The following TRPV3 variants were observed in gnomAD, a reference collection of about 807,000 sequenced individuals.
TRPV3 encodes the protein transient receptor potential cation channel subfamily V member 3, also known as VRL-3.
Under a neutral mutation model 87.1 loss-of-function variants are expected in TRPV3, and 88 were observed. The observed-to-expected ratio is 1.01, with a 90% confidence interval of 0.85 to 1.21. The LOEUF (loss-of-function observed/expected upper bound fraction) is 1.21. TRPV3 is among the 50% of genes most tolerant of loss of function. The pLI is 0.00. For missense variants in TRPV3, 1,054 were observed against 1,030.1 expected (o/e 1.02, Z -0.32); for synonymous variants, 438 against 423.3 (o/e 1.03, Z -0.43).
At position 3,528,093 on chromosome 17, in the gene TRPV3, T is replaced by C. The variant is rs114131791; in HGVS notation, c.1435A>G (p.Met479Val). Residue 479 changes from methionine (M) to valine (V), a missense_variant, in exon 11 of 18, where the codon ATG becomes GTG. By Grantham distance (21) the Met-to-Val change is conservative. Transcript: ENST00000576742. The surrounding 1 kb of genome is among the most constrained non-coding windows in gnomAD (Gnocchi z 4.2). ...CTCCCTAGGAGCTGCAGCCACCCCA[T>C]CTTGTGCGTCAGGGCCAAGGGGTGC... ...IPHPLALTHKMGWLQLLGRMF... is the reference protein window; with the variant it reads ...IPHPLALTHKVGWLQLLGRMF... 3.7e-6 allele frequency: 6 copies of C among 1,613,376 alleles called. No homozygotes were observed. The highest frequency in any genetic ancestry group is 1.3e-5 in the African/African-American group (1 of 74,828).
chr17:3,541,943 C>CT (rs1419070648), intron 6 of TRPV3, among the ~76,000 whole-genome samples: 1 of 151,992 alleles, frequency 6.6e-6, no homozygotes, highest in Non-Finnish European at 1.5e-5. Context: ...TTCTTTGTTT[C>CT]TTTTTCTTTC....
chr17:3,539,297 T>TAA (rs986583611), intron 6 of TRPV3, among the ~76,000 whole-genome samples: 1 of 143,978 alleles, frequency 6.9e-6, no homozygotes, highest in Admixed American at 7.0e-5. Context: ...GTAAAGGACT[T>TAA]AAAAAAAAAA....
Position 3,528,754 on chromosome 17 carries a change from A to G in TRPV3, c.1401+83T>C. The G allele has an allele frequency of 6.5e-7, 1 of 1,545,598 alleles. No homozygotes were observed. The highest frequency in any genetic ancestry group is 1.2e-5 in the South Asian group (1 of 84,150). On this transcript the variant is annotated intron_variant, in intron 10 of 17. Coordinates refer to ENST00000576742, the MANE Select transcript of TRPV3 (RefSeq NM_145068.4). The surrounding 1 kb of genome is among the most constrained non-coding windows in gnomAD (Gnocchi z 4.2). ...CAATCTCCTGGTCTCTCTGGGCCTCAGTTTTCCCACCTGCACGTGGGGCAG... is the reference window on the plus strand; with the variant it reads ...CAATCTCCTGGTCTCTCTGGGCCTCGGTTTTCCCACCTGCACGTGGGGCAG...
chr17:3,521,253 G>C (rs2074243102), intron 13 of TRPV3, among the ~76,000 whole-genome samples: 2 of 151,944 alleles, frequency 1.3e-5, no homozygotes, highest in Admixed American at 1.3e-4. Context: ...TCCAGCCCCA[G>C]GTTCTCTTCT....
At chr17:3,555,237 C>T (rs2074616340) in intron 1 of TRPV3, among the ~76,000 whole-genome samples, 1 of 152,194 alleles carries the variant, frequency 6.6e-6, no homozygotes, top group South Asian at 2.1e-4. Context: ...CTCATGACAC[C>T]CTCTCCAGCT....
chr17:3,535,580 G>A lies in TRPV3; in HGVS notation c.777C>T (p.Phe259=), dbSNP rs780355612. 8 of 1,601,984 alleles carry A rather than the reference G, an allele frequency of 5.0e-6. No homozygotes were observed. Among genetic ancestry groups the A allele is most frequent in the Non-Finnish European group, 8.5e-7 (1 of 1,175,542 alleles). The stretch of plus-strand genomic sequence containing the variant: ...GGCGGGGGCGGCACCCACCGAAGTA[G>A]AAGCCTTCGTGTTGGTACTTGGGGT... ...FFNPKYQHEG[F]YFGETPLALA... is the part of the protein sequence containing the mutation. The change falls in exon 7 of 18, where the codon TTC becomes TTT. Residue 259 remains phenylalanine, a synonymous_variant. Coordinates refer to ENST00000576742, the MANE Select transcript of TRPV3 (RefSeq NM_145068.4).
At chr17:3,527,919 A>G (rs900748986) in intron 11 of TRPV3, 106 bp downstream of exon 11, 8 of 878,236 alleles carry the variant, frequency 9.1e-6, no homozygotes, top group Admixed American at 1.9e-5. Flanking sequence ...TGGGAAGGAA[A>G]CGCCTCCCCA....
rs183267150 is a variant in TRPV3, at chr17:3,541,333, A to G, written c.643+1189T>C. Among the ~76,000 whole-genome samples the G allele has an allele frequency of 2.4e-3, 365 of 152,298 alleles. 3 individuals are homozygous for G. Among genetic ancestry groups the G allele is most frequent in the Non-Finnish European group, 2.2e-3 (153 of 68,022 alleles). ...CAGTGAGCCAAGATCGCGCCACTGC[A>G]CTCCAGCCTAGGCAACAGAGCGAGA... On this transcript the variant is annotated intron_variant, in intron 6 of 17. Coordinates refer to ENST00000576742, the MANE Select transcript of TRPV3 (RefSeq NM_145068.4).
At chr17:3,546,495 T>C in intron 2 of TRPV3, 2 of 345,688 alleles carry the variant, frequency 5.8e-6, no homozygotes, top group South Asian at 2.3e-5. Context: ...CAGTCAGATA[T>C]GCATTTGTCT....
At chr17:3,529,979 G>T in intron 9 of TRPV3, 48 bp downstream of exon 9, 1 of 1,579,428 alleles carries the variant, frequency 6.3e-7, no homozygotes, top group Non-Finnish European at 8.6e-7. Flanking sequence ...CTGGCCTGAG[G>T]TCCAGCCCTC....
Position 3,524,196 on chromosome 17 carries a change from A to G in TRPV3, c.1743+2T>C. ...CTCCCGCCGGCGCAGCTCTCAACGC[A>G]CCTTCTGGATCATGACGCTGTACAT... On this transcript the variant is annotated splice_donor_variant, in intron 13 of 17. Coordinates refer to ENST00000576742, the MANE Select transcript of TRPV3 (RefSeq NM_145068.4). LOFTEE classifies it high-confidence loss of function. 1 of 1,613,590 alleles carries G rather than the reference A, an allele frequency of 6.2e-7. No homozygotes were observed. The highest frequency in any genetic ancestry group is 2.2e-5 in the East Asian group (1 of 44,858).
intron 6 of TRPV3, 67 bp from the exon 7 acceptor site, chr17:3,535,780 C>T: frequency 5.7e-6 from 8 of 1,399,022 alleles, no homozygotes; most frequent in Non-Finnish European, 6.5e-6. Context: ...CCCACCCGCT[C>T]TGGCCTCCAT....
intron 2 of TRPV3, among the ~76,000 whole-genome samples, chr17:3,550,615 C>T (rs1247875961): frequency 6.8e-6 from 1 of 147,046 alleles, no homozygotes; most frequent in African/African-American, 2.5e-5. Context: ...AGCTCTGCCT[C>T]CCGGGTTCAT....
In TRPV3 at chr17:3,554,792, C is replaced by T; in HGVS notation, c.59G>A (p.Ser20Asn). 1.9e-6 allele frequency: 3 copies of T among 1,612,960 alleles called. No homozygotes were observed. The highest frequency in any genetic ancestry group is 2.5e-6 in the Non-Finnish European group (3 of 1,179,628). The stretch of plus-strand genomic sequence containing the variant: ...CTCTGGCAGGATGGCAGGGTTCCCA[C>T]TGGGGGCAGCAACTCTCTTGCCCAT... ...PLMGKRVAAP[S>N]GNPAILPEKR... Residue 20 changes from serine to asparagine, a missense_variant, in exon 2 of 18, where the codon AGT (serine) becomes AAT (asparagine). Physicochemically the swap from Ser to Asn is conservative, Grantham distance 46. Transcript: ENST00000576742.
At chr17:3,532,037 C>G (rs2074353509) in intron 8 of TRPV3, among the ~76,000 whole-genome samples, 1 of 152,228 alleles carries the variant, frequency 6.6e-6, no homozygotes, top group Non-Finnish European at 1.5e-5. Context: ...ACCCCAGAAT[C>G]AGTCCCCTGA....
In TRPV3 at chr17:3,528,785, A is replaced by G; in HGVS notation, c.1401+52T>C. ...CCCACCTGCACGTGGGGCAGCTCCAAGCCCCTCCAGCTCTGACGGCCCCAT... is the reference window on the plus strand; with the variant it reads ...CCCACCTGCACGTGGGGCAGCTCCAGGCCCCTCCAGCTCTGACGGCCCCAT... On this transcript the variant is annotated intron_variant, in intron 10 of 17. Transcript: ENST00000576742. This position sits in a 1 kb window ranked among gnomAD's most constrained non-coding sequence, Gnocchi z 4.2. 1 of 1,607,178 alleles carries G rather than the reference A, an allele frequency of 6.2e-7. No homozygotes were observed. The highest frequency in any genetic ancestry group is 8.5e-7 in the Non-Finnish European group (1 of 1,175,990).
chr17:3,545,824 CA>C (rs35206458), intron 2 of TRPV3, among the ~76,000 whole-genome samples: 147 of 124,530 alleles, frequency 1.2e-3, no homozygotes, highest in Admixed American at 1.6e-3. Context: ...ACTTAAAATG[CA>C]AAAAAAAAAA....
At chr17:3,524,874 C>T (rs896044372) in intron 12 of TRPV3, among the ~76,000 whole-genome samples, 13 of 151,576 alleles carry the variant, frequency 8.6e-5, no homozygotes, top group East Asian at 1.9e-4. Context: ...ACTCCTGCAT[C>T]GATTTGAGAA....
At position 3,528,999 on chromosome 17, in the gene TRPV3, G is replaced by A. The variant is rs886052856; in HGVS notation, c.1243-4C>T. On this transcript the variant is annotated splice_polypyrimidine_tract_variant and splice_region_variant and intron_variant, in intron 9 of 17. Coordinates refer to ENST00000576742, the MANE Select transcript of TRPV3 (RefSeq NM_145068.4). This position sits in a 1 kb window ranked among gnomAD's most constrained non-coding sequence, Gnocchi z 4.2. ...GGGTCAGCATCTCATGCCGGTTCTAGGGGTAGAATGCCACCAGTCACCATG... is the reference window on the plus strand; with the variant it reads ...GGGTCAGCATCTCATGCCGGTTCTAAGGGTAGAATGCCACCAGTCACCATG... The A allele has an allele frequency of 6.2e-7, 1 of 1,614,144 alleles. No individual in the cohort carries two copies. The highest frequency in any genetic ancestry group is 8.5e-7 in the Non-Finnish European group (1 of 1,180,010).
Sources: gnomAD v4.1 joint callset for allele counts (sites outside exome capture counted in the v4.1 genomes callset) on GRCh38, gnomAD v4.1.1 for gene constraint, Gnocchi (gnomAD v3.1) non-coding constraint, MANE v1.5 for transcripts, NCBI Gene and HGNC (gene_info 2026-07-23, HGNC 2026-07-21) for gene names.